Variants in SLC39A8 observed in about 807,000 individuals in gnomAD.
The protein encoded by SLC39A8 is metal cation symporter ZIP8.
SLC39A8 carries 15 observed loss-of-function variants against 40.4 expected under a neutral mutation model. The ratio of observed to expected loss-of-function variants is 0.37; its 90% CI spans 0.25 to 0.57. The LOEUF (loss-of-function observed/expected upper bound fraction) is 0.57. Among genes scored for constraint, SLC39A8 ranks in the 20% least tolerant of loss-of-function variants. SLC39A8 has a pLI of 0.75. For missense variants in SLC39A8, 472 were observed against 558.8 expected, an observed-to-expected ratio of 0.84 and a Z score of 1.57; for synonymous variants, 223 against 221.6, an observed-to-expected ratio of 1.01 and a Z score of -0.06.
chr4:102,322,074 A>G (rs1176060513), intron 2 of SLC39A8, among the ~76,000 whole-genome samples: 2 of 152,186 alleles, frequency 1.3e-5, no homozygotes, highest in Non-Finnish European at 2.9e-5. Context: ...TCATCTAGTA[A>G]CAGACCTCCT....
chr4:102,318,621 G>C (rs979533301), intron 2 of SLC39A8, among the ~76,000 whole-genome samples: 1 of 152,154 alleles, frequency 6.6e-6, no homozygotes, highest in African/African-American at 2.4e-5. Context: ...TCCAGCGCCT[G>C]AAGAGTGAGG....
chr4:102,271,023 G>A (rs1326813001), intron 6 of SLC39A8, among the ~76,000 whole-genome samples: 1 of 151,962 alleles, frequency 6.6e-6, no homozygotes, highest in Non-Finnish European at 1.5e-5. Context: ...GGGAGAAGTA[G>A]CATGAGGAGG....
intron 2 of SLC39A8, among the ~76,000 whole-genome samples, chr4:102,340,252 T>C (rs180754959): frequency 1.1e-3 from 168 of 152,202 alleles, no homozygotes; most frequent in African/African-American, 3.8e-3. Context: ...TTAAAAATCT[T>C]TTGGAGGGTA....
chr4:102,272,149 A>G (rs894036967), intron 6 of SLC39A8, among the ~76,000 whole-genome samples: 1 of 152,108 alleles, frequency 6.6e-6, no homozygotes, highest in African/African-American at 2.4e-5. Flanking sequence ...ACCAACCTGA[A>G]CAACATAACT....
At chr4:102,275,777 C>A (rs1424034041) in intron 6 of SLC39A8, among the ~76,000 whole-genome samples, 1 of 152,160 alleles carries the variant, frequency 6.6e-6, no homozygotes, top group Non-Finnish European at 1.5e-5. Context: ...GAAATCATAA[C>A]AAACAGTCTC....
chr4:102,327,397 T>A (rs1000051252), intron 2 of SLC39A8, among the ~76,000 whole-genome samples: 2 of 152,204 alleles, frequency 1.3e-5, no homozygotes, highest in African/African-American at 4.8e-5. Flanking sequence ...CCAGTTATAA[T>A]CAGCCTTATA....
chr4:102,271,771 G>T (rs1310726927), intron 6 of SLC39A8, among the ~76,000 whole-genome samples: 1 of 152,190 alleles, frequency 6.6e-6, no homozygotes, highest in Non-Finnish European at 1.5e-5. Context: ...TATAGCCAAG[G>T]TTTCCTGTGA....
intron 7 of SLC39A8, 74 bp downstream of exon 7, chr4:102,267,798 T>C: frequency 6.4e-7 from 1 of 1,565,868 alleles, no homozygotes; most frequent in Non-Finnish European, 8.7e-7. Flanking sequence ...TTTAAGAGCA[T>C]GTCACCTGAA....
chr4:102,312,282 C>T (rs1734467047), intron 3 of SLC39A8, among the ~76,000 whole-genome samples: 1 of 152,078 alleles, frequency 6.6e-6, no homozygotes, highest in Admixed American at 6.6e-5. Flanking sequence ...CCCCCGATCC[C>T]ACTCCACTCC....
intron 6 of SLC39A8, among the ~76,000 whole-genome samples, chr4:102,273,152 G>A (rs1234723920): frequency 6.6e-6 from 1 of 152,204 alleles, no homozygotes; most frequent in Non-Finnish European, 1.5e-5. Context: ...GTCTTGCTCA[G>A]CGGGTCCCAC....
intron 6 of SLC39A8, among the ~76,000 whole-genome samples, chr4:102,292,288 A>ATGTGT (rs1733480809): frequency 1.3e-5 from 2 of 152,122 alleles, no homozygotes; most frequent in African/African-American, 4.8e-5. Context: ...CATATATTAA[A>ATGTGT]ACATAACATT....
intron 3 of SLC39A8, among the ~76,000 whole-genome samples, chr4:102,308,572 G>C (rs1386444609): frequency 6.6e-6 from 1 of 152,080 alleles, no homozygotes; most frequent in Non-Finnish European, 1.5e-5. Flanking sequence ...CCTATGTGTG[G>C]GTGCAGGCTG....
chr4:102,302,054 T>G (rs912140756), intron 6 of SLC39A8, among the ~76,000 whole-genome samples: 1 of 151,952 alleles, frequency 6.6e-6, no homozygotes, highest in Non-Finnish European at 1.5e-5. Context: ...CTTTAAATAT[T>G]TTAAATCTCA....
intron 2 of SLC39A8, among the ~76,000 whole-genome samples, chr4:102,316,177 C>A (rs1361464959): frequency 6.6e-6 from 1 of 151,926 alleles, no homozygotes; most frequent in Non-Finnish European, 1.5e-5. Flanking sequence ...TTGTCAGTAC[C>A]CCCTCTTAGT....
At chr4:102,259,964 T>C (rs1169331514), downstream of SLC39A8, among the ~76,000 whole-genome samples, 1 of 152,170 alleles carries the variant, frequency 6.6e-6, no homozygotes, top group Non-Finnish European at 1.5e-5. Flanking sequence ...ATATAGATCA[T>C]CCTGTGAAAA....
intron 2 of SLC39A8, among the ~76,000 whole-genome samples, chr4:102,344,197 G>A (rs1003026408): frequency 6.6e-6 from 1 of 152,098 alleles, no homozygotes; most frequent in African/African-American, 2.4e-5. Flanking sequence ...AATCACCAGA[G>A]TCGGACCTCT....
chr4:102,287,577 C>T (rs758288419), intron 6 of SLC39A8, among the ~76,000 whole-genome samples: 4 of 152,066 alleles, frequency 2.6e-5, no homozygotes, highest in African/African-American at 4.8e-5. Flanking sequence ...AAACACACCA[C>T]GTCTCTCTCA....
At chr4:102,272,854 C>T (rs185804422) in intron 6 of SLC39A8, among the ~76,000 whole-genome samples, 3 of 152,174 alleles carry the variant, frequency 2.0e-5, no homozygotes, top group Admixed American at 2.0e-4. Flanking sequence ...CGGGGACCTC[C>T]CTCCTGGAGC....
chr4:102,344,979 C>A, intron 1 of SLC39A8, 64 bp from the exon 2 acceptor site: 1 of 1,062,742 alleles, frequency 9.4e-7, no homozygotes, highest in Non-Finnish European at 1.2e-6. Context: ...CGGCAGGCTC[C>A]AGAAACGCTG....
Sources: gnomAD v4.1 joint callset for allele counts (sites outside exome capture counted in the v4.1 genomes callset) on GRCh38, gnomAD v4.1.1 for gene constraint, MANE v1.5 for transcripts, NCBI Gene and HGNC (gene_info 2026-07-23, HGNC 2026-07-21) for gene names.